The following GPR108 variants were observed in gnomAD, a reference collection of about 807,000 sequenced individuals.
GPR108 encodes protein GPR108.
In GPR108, 60 loss-of-function variants were observed where a neutral mutation model predicts 74.3. The ratio of observed to expected loss-of-function variants is 0.81; its 90% CI spans 0.66 to 1.00. The LOEUF (loss-of-function observed/expected upper bound fraction) is 1.00, where lower values mean the gene tolerates loss of function less well. Among genes scored for constraint, GPR108 ranks in the 50% least tolerant of loss-of-function variants. The pLI, the probability that GPR108 is intolerant of heterozygous loss-of-function variation, is 0.00. For missense variants in GPR108, 667 were observed against 703.3 expected (o/e 0.95, Z 0.58); for synonymous variants, 311 against 292.4 (o/e 1.06, Z -0.65).
intron 10 of GPR108, 193 bp from the exon 11 acceptor site, chr19:6,732,742 G>T (rs1968469044): frequency 1.5e-6 from 1 of 659,864 alleles, no homozygotes; most frequent in Non-Finnish European, 2.7e-6. Flanking sequence ...CAGCTGAAGG[G>T]GTGAATAGTT....
In GPR108 at chr19:6,731,897, C is replaced by G. The variant is rs748731861; in HGVS notation, c.1294G>C (p.Gly432Arg). 1.2e-6 allele frequency: 2 copies of G among 1,612,284 alleles called. No individual in the cohort carries two copies. Among genetic ancestry groups the G allele is most frequent in the East Asian group, 2.2e-5 (1 of 44,810 alleles). Residue 432 changes from glycine (G) to arginine (R), a missense_variant, in exon 14 of 18, where the codon GGG becomes CGG. Physicochemically the swap from Gly to Arg is moderately radical, Grantham distance 125. Coordinates refer to ENST00000264080, the MANE Select transcript of GPR108 (RefSeq NM_001080452.2). The stretch of plus-strand genomic sequence containing the variant: ...TGCAGGCGCAGGGCCTCACCCTTCC[C>G]GTCTGTGCCAGACGCATCCTGGAGA... ...RHLQDASGTD[G>R]KVAVNLAKLK... is the part of the protein sequence containing the mutation.
intron 2 of GPR108, 150 bp from the exon 3 acceptor site, chr19:6,736,108 G>T (rs1167724740): frequency 1.4e-6 from 1 of 697,608 alleles, no homozygotes; most frequent in East Asian, 2.7e-5. Context: ...TTTAGAGTTG[G>T]GGTGGTGGGT....
chr19:6,737,233 C>T, intron 1 of GPR108: 1 of 556,250 alleles, frequency 1.8e-6, no homozygotes, highest in Non-Finnish European at 3.1e-6. Flanking sequence ...GAGCCTCGCC[C>T]CCGAAGGGAG....
At chr19:6,736,843 G>A (rs901667565) in intron 1 of GPR108, 132 bp from the exon 2 acceptor site, 8 of 1,247,900 alleles carry the variant, frequency 6.4e-6, no homozygotes, top group African/African-American at 6.0e-5. Flanking sequence ...AGGATGACAA[G>A]AGAAAGTTGA....
At position 6,731,911 on chromosome 19, in the gene GPR108, G is replaced by T. The variant is rs774502234; in HGVS notation, c.1280C>A (p.Ala427Glu). The stretch of plus-strand genomic sequence containing the variant: ...CTCACCCTTCCCGTCTGTGCCAGAC[G>T]CATCCTGGAGATGCCGGATGGACCT... ...VVWSIRHLQD[A>E]SGTDGKVAVN... is the part of the protein sequence containing the mutation. The change falls in exon 14 of 18, where the codon GCG becomes GAG. Residue 427 changes from alanine (A) to glutamate (E), a missense_variant. Coordinates refer to ENST00000264080, the MANE Select transcript of GPR108 (RefSeq NM_001080452.2). 1.2e-6 allele frequency: 2 copies of T among 1,612,606 alleles called. No homozygotes were observed. Among genetic ancestry groups the T allele is most frequent in the East Asian group, 2.2e-5 (1 of 44,816 alleles).
rs1968340423 is a variant in GPR108, at chr19:6,730,386, T to G, written c.1560-2A>C. 1 of 1,612,788 alleles carries G rather than the reference T, an allele frequency of 6.2e-7. No homozygotes were observed. Among genetic ancestry groups the G allele is most frequent in the Non-Finnish European group, 8.5e-7 (1 of 1,179,744 alleles). ...TCCCGGAACCCAGAGTCCGTCATTC[T>G]GGGGGCAGACAGCGAGGAGGCGTCT... is the stretch of plus-strand genomic sequence containing the variant. On this transcript the variant is annotated splice_acceptor_variant, in intron 17 of 17. Coordinates refer to ENST00000264080, the MANE Select transcript of GPR108 (RefSeq NM_001080452.2). LOFTEE classifies it high-confidence loss of function.
At position 6,733,072 on chromosome 19, in the gene GPR108, G is replaced by A; in HGVS notation, c.858-10C>T. ...CTTGAAGACGCTGTACCTGGTGGGA[G>A]GGTCAGGGAGAGATGGGGGTGCGGG... On this transcript the variant is annotated splice_polypyrimidine_tract_variant and intron_variant, in intron 9 of 17. Transcript: ENST00000264080. The A allele has an allele frequency of 1.2e-6, 2 of 1,613,820 alleles. No homozygotes were observed. The highest frequency in any genetic ancestry group is 1.7e-6 in the Non-Finnish European group (2 of 1,179,896).
At chr19:6,730,512 CCA>C (rs1347636526) in intron 17 of GPR108, 128 bp from the exon 18 acceptor site, 12 of 733,312 alleles carry the variant, frequency 1.6e-5, no homozygotes, top group Admixed American at 1.1e-4. Context: ...CCACTCTACC[CCA>C]GACTCACCCA....
At chr19:6,733,469 AC>A in intron 8 of GPR108, 100 bp downstream of exon 8, 1 of 1,377,830 alleles carries the variant, frequency 7.3e-7, no homozygotes, top group Non-Finnish European at 1.0e-6. Flanking sequence ...CCTACTTCGC[AC>A]CCGGGAGGGC....
rs753965708 is a variant in GPR108 at position 6,731,269 on chromosome 19, A to G, written c.1364T>C (p.Val455Ala). Residue 455 changes from valine (V) to alanine (A), a missense_variant, in exon 16 of 18, where the codon GTC (valine) becomes GCC (alanine). By Grantham distance (64) the Val-to-Ala change is moderately conservative. Coordinates refer to ENST00000264080, the MANE Select transcript of GPR108 (RefSeq NM_001080452.2). ...RHYYVMVICYVYFTRIIAILL... is the reference protein window; with the variant it reads ...RHYYVMVICYAYFTRIIAILL... Reference sequence around the variant, plus strand: ...GATGGCGATGATGCGGGTGAAGTAGACGTAGCAGATGACCTGCAGGGGCGC... The same window carrying G: ...GATGGCGATGATGCGGGTGAAGTAGGCGTAGCAGATGACCTGCAGGGGCGC... The G allele has an allele frequency of 1.3e-5, 20 of 1,550,738 alleles. 1 individual carries two copies. The Admixed American group carries it at 2.1e-4, about 16-fold the overall frequency.
At position 6,731,064 on chromosome 19, in the gene GPR108, G is replaced by C. The variant is rs2279625; in HGVS notation, c.1482C>G (p.Tyr494Ter). ...GGTTGTTTCCTGTGGGCTGGAACTT[G>C]TAGCCCGTGAGCACGAAGAAGGCCA... ...STLAFFVLTG[Y>*]KFQPTGNNPY... Residue 494 changes from tyrosine to a stop codon, truncating the protein, a stop_gained, in exon 17 of 18, where the codon TAC becomes TAG. Coordinates refer to ENST00000264080, the MANE Select transcript of GPR108 (RefSeq NM_001080452.2). LOFTEE classifies it high-confidence loss of function. 1.2e-6 allele frequency: 2 copies of C among 1,613,674 alleles called. No individual in the cohort carries two copies. Among genetic ancestry groups the C allele is most frequent in the Non-Finnish European group, 8.5e-7 (1 of 1,179,886 alleles).
At position 6,732,563 on chromosome 19, in the gene GPR108, G is replaced by A. The variant is rs1485277798; in HGVS notation, c.934-14C>T. 1.2e-6 allele frequency: 2 copies of A among 1,607,558 alleles called. No individual in the cohort carries two copies. Among genetic ancestry groups the A allele is most frequent in the African/African-American group, 1.3e-5 (1 of 74,738 alleles). On this transcript the variant is annotated splice_polypyrimidine_tract_variant and intron_variant, in intron 10 of 17. Coordinates refer to ENST00000264080, the MANE Select transcript of GPR108 (RefSeq NM_001080452.2). ...GTAGTAGTTGATCTGGGGGTGGATG[G>A]ACAGACGGACAGTGAGGCGCACAGA...
chr19:6,733,635 A>C lies in GPR108; in HGVS notation c.658T>G (p.Tyr220Asp), dbSNP rs759889797. Residue 220 changes from tyrosine to aspartate, a missense_variant, in exon 8 of 18, where the codon TAC becomes GAC. Tyr to Asp is a radical substitution (Grantham distance 160, BLOSUM62 -3). Transcript: ENST00000264080. ...TTGCAGTTGTGGAAGTTCAGGCTGT[A>C]CTGGCCTTCTTCCGCCTGAGAGCCG... ...VIGSQAEEGQYSLNFHNCNNS... is the reference protein window; with the variant it reads ...VIGSQAEEGQDSLNFHNCNNS... 1.9e-6 allele frequency: 3 copies of C among 1,614,146 alleles called. No homozygotes were observed. The highest frequency in any genetic ancestry group is 3.3e-5 in the Admixed American group (2 of 60,028).
Position 6,734,198 on chromosome 19 carries a change from G to A in GPR108, c.484C>T (p.Arg162Cys), listed in dbSNP as rs759024514. 1.4e-5 allele frequency: 23 copies of A among 1,614,080 alleles called. No individual in the cohort carries two copies. Among genetic ancestry groups the A allele is most frequent in the East Asian group, 4.5e-5 (2 of 44,900 alleles). The change falls in exon 5 of 18, where the codon CGC becomes TGC. Residue 162 changes from arginine to cysteine, a missense_variant. Physicochemically the swap from Arg to Cys is radical, Grantham distance 180 (BLOSUM62 -3). Transcript: ENST00000264080. ...GLPKPQATVP[R>C]KVDGGGTSAA... The stretch of plus-strand genomic sequence containing the variant: ...CCTGACTCACCGCCATCCACCTTGC[G>A]GGGGACTGTGGCCTGTGGCTTCGGG...
rs529591023 is a variant in GPR108, at chr19:6,730,070, G to A, written c.*242C>T. ...GACAACGGCGTAGCCAAACAGATTG[G>A]TCATTATTGTACACATAGCTGGAAG... On this transcript the variant is annotated 3_prime_UTR_variant, in exon 18 of 18. Coordinates refer to ENST00000264080, the MANE Select transcript of GPR108 (RefSeq NM_001080452.2). 230 of 553,684 alleles carry A rather than the reference G, an allele frequency of 4.2e-4. No homozygotes were observed. Among genetic ancestry groups the A allele is most frequent in the Admixed American group, 1.4e-3 (44 of 31,790 alleles). 34.3% of individuals were successfully genotyped at this position (553,684 alleles called of 1,614,324 possible).
chr19:6,731,266 T>G lies in GPR108; in HGVS notation c.1367A>C (p.Tyr456Ser), dbSNP rs1568235952. Residue 456 changes from tyrosine to serine, a missense_variant, in exon 16 of 18, where the codon TAC (tyrosine) becomes TCC (serine). Physicochemically the swap from Tyr to Ser is moderately radical, Grantham distance 144 (BLOSUM62 -2). Transcript: ENST00000264080. ...CAGGATGGCGATGATGCGGGTGAAG[T>G]AGACGTAGCAGATGACCTGCAGGGG... ...HYYVMVICYVYFTRIIAILLQ... is the reference protein window; with the variant it reads ...HYYVMVICYVSFTRIIAILLQ... 1 of 1,551,170 alleles carries G rather than the reference T, an allele frequency of 6.4e-7. No individual in the cohort carries two copies. Among genetic ancestry groups the G allele is most frequent in the East Asian group, 2.3e-5 (1 of 44,188 alleles).
At chr19:6,730,919 C>A (rs1409273917) in intron 17 of GPR108, 68 bp downstream of exon 17, 20 of 1,034,006 alleles carry the variant, frequency 1.9e-5, no homozygotes, top group Non-Finnish European at 2.9e-5. Context: ...GCCCACCCTG[C>A]CCGTAGAGCT....
At position 6,734,014 on chromosome 19, in the gene GPR108, T is replaced by C. The variant is rs1325770575; in HGVS notation, c.540A>G (p.Ala180=). The C allele has an allele frequency of 1.9e-5, 31 of 1,614,020 alleles. No homozygotes were observed. Among genetic ancestry groups the C allele is most frequent in the Non-Finnish European group, 2.5e-5 (30 of 1,180,032 alleles). The change falls in exon 6 of 18, where the codon GCA becomes GCG. Residue 180 remains alanine (A), a synonymous_variant. Transcript: ENST00000264080. ...CCCGCCTCCCCGAAACCTGAATCAC[T>C]GCGGGTGTTGACTTGGGCTTGCTGG... is the stretch of plus-strand genomic sequence containing the variant. ...SAASKPKSTP[A]VIQGPSGKDK...
Position 6,730,204 on chromosome 19 carries a change from G to A in GPR108, c.*108C>T, listed in dbSNP as rs749130882. 2.1e-5 allele frequency: 22 copies of A among 1,045,152 alleles called. No individual in the cohort carries two copies. The highest frequency in any genetic ancestry group is 2.1e-4 in the Middle Eastern group (1 of 4,832). 64.7% of individuals were successfully genotyped at this position (1,045,152 alleles called of 1,614,324 possible). On this transcript the variant is annotated 3_prime_UTR_variant, in exon 18 of 18. Transcript: ENST00000264080. The stretch of plus-strand genomic sequence containing the variant: ...GAACCGGGGTCCCGGGGAGCTGGGC[G>A]CCTGGTCCACATGGACCCCCTCCAC...
Sources: allele counts gnomAD v4.1 joint callset, GRCh38; gene constraint gnomAD v4.1.1; transcripts MANE v1.5; gene names NCBI Gene and HGNC (gene_info 2026-07-23, HGNC 2026-07-21).